LRRC4C: variants seen among roughly 807,000 people sequenced by gnomAD.
The protein encoded by LRRC4C is leucine rich repeat containing 4C.
LRRC4C carries 5 observed loss-of-function variants against 33.6 expected under a neutral mutation model. The observed-to-expected ratio is 0.15, with a 90% confidence interval of 0.08 to 0.31. The LOEUF is 0.31. Among genes scored for constraint, LRRC4C ranks in the 10% least tolerant of loss-of-function variants. The pLI is 1.00. For synonymous variants in LRRC4C, 329 were observed against 302.0 expected, an observed-to-expected ratio of 1.09 and a Z score of -0.93; for missense variants, 560 against 796.7, an observed-to-expected ratio of 0.70 and a Z score of 3.58.
chr11:40,816,725 CAAATAA>C (rs1951719496), intron 2 of LRRC4C, among the ~76,000 whole-genome samples: 2 of 152,032 alleles, frequency 1.3e-5, no homozygotes, highest in African/African-American at 2.4e-5. Flanking sequence ...CATTTAAATG[CAAATAA>C]CTGGGAGATT....
chr11:40,410,077 T>C (rs1161818403), intron 3 of LRRC4C, among the ~76,000 whole-genome samples: 1 of 152,066 alleles, frequency 6.6e-6, no homozygotes, highest in East Asian at 1.9e-4. Context: ...GTATAGCCTA[T>C]GGTTGTATCA....
chr11:40,890,548 C>T (rs936966785), intron 2 of LRRC4C, among the ~76,000 whole-genome samples: 1 of 152,120 alleles, frequency 6.6e-6, no homozygotes, highest in Non-Finnish European at 1.5e-5. Context: ...GTATTTAAAC[C>T]ATAGCACTGC....
At chr11:40,795,166 A>G (rs767703221) in intron 2 of LRRC4C, among the ~76,000 whole-genome samples, 8 of 152,194 alleles carry the variant, frequency 5.3e-5, no homozygotes, top group Non-Finnish European at 1.0e-4. Flanking sequence ...ACCAGGTAAT[A>G]AAAAGCACAG....
At chr11:40,155,042 C>A (rs949918949) in intron 5 of LRRC4C, among the ~76,000 whole-genome samples, 4 of 151,914 alleles carry the variant, frequency 2.6e-5, no homozygotes, top group Non-Finnish European at 2.9e-5. Flanking sequence ...GAAATCAACT[C>A]CAAAAAGAAC....
intron 4 of LRRC4C, among the ~76,000 whole-genome samples, chr11:40,264,025 C>A (rs1161303792): frequency 6.6e-6 from 1 of 152,134 alleles, no homozygotes; most frequent in Admixed American, 6.6e-5. Flanking sequence ...AATTCTAGAT[C>A]TTGATTGATC....
At chr11:40,540,385 T>C (rs1956657569) in intron 3 of LRRC4C, among the ~76,000 whole-genome samples, 1 of 152,136 alleles carries the variant, frequency 6.6e-6, no homozygotes. Context: ...CTACGTAACC[T>C]GCCAACCTCA....
chr11:40,309,744 C>T (rs1054076849), intron 4 of LRRC4C, among the ~76,000 whole-genome samples: 1 of 152,080 alleles, frequency 6.6e-6, no homozygotes, highest in Non-Finnish European at 1.5e-5. Context: ...TGAGCTTAAG[C>T]GATCCACCTT....
intron 3 of LRRC4C, among the ~76,000 whole-genome samples, chr11:40,390,402 T>A (rs976885853): frequency 6.6e-6 from 1 of 152,196 alleles, no homozygotes; most frequent in African/African-American, 2.4e-5. Flanking sequence ...TAAACTTAAC[T>A]AATTATCTCT....
intron 3 of LRRC4C, among the ~76,000 whole-genome samples, chr11:40,324,334 T>C (rs1202031843): frequency 6.6e-6 from 1 of 152,204 alleles, no homozygotes; most frequent in Non-Finnish European, 1.5e-5. Flanking sequence ...GGTGAGCAGT[T>C]TTTTTTGTCA....
rs35415208 is a variant in LRRC4C at position 40,454,172 on chromosome 11, G to GT, written c.-269-134452dup. ...ATTATAAAATGACCACTTGATTAAA[G>GT]TTTTTTTTTTTTTTTTTTAACAGTG... On this transcript the variant is annotated intron_variant, in intron 3 of 6. Transcript: ENST00000528697. Among the ~76,000 whole-genome samples the GT allele has an allele frequency of 5.0e-3, 689 of 138,432 alleles. 2 individuals are homozygous for GT. The highest frequency in any genetic ancestry group is 5.0e-3 in the Non-Finnish European group (311 of 62,504). 90.8% of individuals were successfully genotyped at this position (138,432 alleles called of 152,430 possible).
intron 3 of LRRC4C, among the ~76,000 whole-genome samples, chr11:40,610,362 A>G (rs1418411531): frequency 1.3e-5 from 2 of 151,842 alleles, no homozygotes; most frequent in East Asian, 3.9e-4. Flanking sequence ...ATAGAATAAT[A>G]TTACCTCAAA....
At chr11:40,730,759 TTGAG>T (rs60724443) in intron 2 of LRRC4C, among the ~76,000 whole-genome samples, 22,537 of 152,126 alleles carry the variant, frequency 0.15, 1,738 homozygotes, top group African/African-American at 0.17. Flanking sequence ...CTGTGGACAA[TTGAG>T]TGTTACCTTC....
chr11:40,761,159 C>T (rs1451178460), intron 2 of LRRC4C, among the ~76,000 whole-genome samples: 1 of 151,868 alleles, frequency 6.6e-6, no homozygotes, highest in Non-Finnish European at 1.5e-5. Context: ...TAGTGTTCGC[C>T]GCACCTGATC....
chr11:40,304,280 G>C (rs528254508), intron 4 of LRRC4C, among the ~76,000 whole-genome samples: 1 of 152,280 alleles, frequency 6.6e-6, no homozygotes, highest in East Asian at 1.9e-4. Flanking sequence ...GTGCCTCTAA[G>C]TGCCTGTACA....
intron 2 of LRRC4C, among the ~76,000 whole-genome samples, chr11:40,811,199 A>G (rs1448515482): frequency 1.3e-5 from 2 of 151,856 alleles, no homozygotes; most frequent in African/African-American, 4.8e-5. Flanking sequence ...CACAGATCTC[A>G]CTTCAAATGT....
Position 41,052,818 on chromosome 11 carries a change from A to C in LRRC4C, c.-495-119095T>G, listed in dbSNP as rs572537242. On this transcript the variant is annotated intron_variant, in intron 1 of 6. Coordinates refer to ENST00000528697, the MANE Select transcript of LRRC4C (RefSeq NM_001258419.2). Reference sequence around the variant, plus strand: ...TATTTGATCATTCTTCAGTTTACAAAATGATAATTACATTTGCTTTTAATT... The same window carrying C: ...TATTTGATCATTCTTCAGTTTACAACATGATAATTACATTTGCTTTTAATT... Among the ~76,000 whole-genome samples, 22 of 152,278 alleles carry C rather than the reference A, an allele frequency of 1.4e-4. 1 individual carries two copies. The East Asian group carries it at 4.2e-3, about 29-fold the overall frequency.
At chr11:41,222,482 C>A (rs1382829260) in intron 1 of LRRC4C, among the ~76,000 whole-genome samples, 1 of 152,100 alleles carries the variant, frequency 6.6e-6, no homozygotes, top group Non-Finnish European at 1.5e-5. Flanking sequence ...GGGCTGAGGG[C>A]CAAGAATCCC....
At chr11:40,397,471 A>G (rs1949588301) in intron 3 of LRRC4C, among the ~76,000 whole-genome samples, 1 of 152,124 alleles carries the variant, frequency 6.6e-6, no homozygotes, top group South Asian at 2.1e-4. Flanking sequence ...TGAATAATGG[A>G]ACTCTCTGTA....
chr11:40,340,225 C>G (rs1272074489), intron 3 of LRRC4C, among the ~76,000 whole-genome samples: 1 of 152,064 alleles, frequency 6.6e-6, no homozygotes, highest in East Asian at 1.9e-4. Flanking sequence ...AAAACAAAAC[C>G]CCATAATGCA....
Sources: allele counts gnomAD v4.1 joint callset (sites outside exome capture counted in the v4.1 genomes callset), GRCh38; gene constraint gnomAD v4.1.1; transcripts MANE v1.5; gene names NCBI Gene and HGNC (gene_info 2026-07-23, HGNC 2026-07-21).